Variants in TMEM248 observed in about 807,000 individuals in gnomAD.
The protein encoded by TMEM248 is UPF0458 protein C7orf42.
Under a neutral mutation model 30.3 loss-of-function variants are expected in TMEM248, and 9 were observed. The observed-to-expected ratio is 0.30, with a 90% CI of 0.18 to 0.52. TMEM248 has a LOEUF of 0.52. Ranked by LOEUF, TMEM248 falls within the 20% of genes least tolerant of loss-of-function variation. The pLI is 0.97. For synonymous variants in TMEM248, 184 were observed against 154.4 expected, an observed-to-expected ratio of 1.19 and a Z score of -1.42; for missense variants, 338 against 403.3, an observed-to-expected ratio of 0.84 and a Z score of 1.39.
intron 1 of TMEM248, among the ~76,000 whole-genome samples, chr7:66,931,252 C>G (rs752797780): frequency 8.7e-5 from 12 of 138,686 alleles, no homozygotes; most frequent in Non-Finnish European, 1.8e-4. Flanking sequence ...GAGCAGAGAT[C>G]ACACTGCTGC....
intron 1 of TMEM248, among the ~76,000 whole-genome samples, chr7:66,923,551 C>G (rs1258317694): frequency 6.6e-6 from 1 of 152,198 alleles, no homozygotes; most frequent in Non-Finnish European, 1.5e-5. Context: ...TGGACAAGCA[C>G]CCAGGCTAGG....
chr7:66,953,612 C>CT (rs879813901), intron 6 of TMEM248, among the ~76,000 whole-genome samples: 122 of 150,182 alleles, frequency 8.1e-4, no homozygotes, highest in Admixed American at 3.2e-3. Flanking sequence ...TCCTCTGTAA[C>CT]TTTTTTTTTT....
intron 1 of TMEM248, among the ~76,000 whole-genome samples, chr7:66,932,793 G>A (rs1199462509): frequency 6.6e-6 from 1 of 151,178 alleles, no homozygotes; most frequent in Non-Finnish European, 1.5e-5. Flanking sequence ...TAGGATTACA[G>A]GCATGAGCCA....
rs540248045 is a variant in TMEM248, at chr7:66,956,671, T to C, written c.*1149T>C. 1.3e-5 allele frequency: 2 copies of C among 152,244 alleles called. No homozygotes were observed. The highest frequency in any genetic ancestry group is 2.4e-5 in the African/African-American group (1 of 41,544). The allele number at this position is 152,244 out of a possible 1,614,324, so 9.4% of individuals were successfully genotyped here. A position where few individuals can be genotyped will look rare whatever the true frequency, so the allele number is the denominator to read the frequency against. ...GGGAAAACTGAAAGCATTTTTCTTA[T>C]AACTTTTTTTCTTTTTCTTTTTTTT... On this transcript the variant is annotated 3_prime_UTR_variant, in exon 7 of 7. Coordinates refer to ENST00000341567, the MANE Select transcript of TMEM248 (RefSeq NM_017994.5).
rs1792415386 is a variant in TMEM248 at position 66,956,772 on chromosome 7, C to T, written c.*1250C>T. ...CAGTGCAGCCTCCAACTCCTGGGCT[C>T]AAGCAATCCTCCCACTTTAGCCTCC... On this transcript the variant is annotated 3_prime_UTR_variant, in exon 7 of 7. Transcript: ENST00000341567. The T allele has an allele frequency of 6.6e-6, 1 of 152,144 alleles. No homozygotes were observed. The highest frequency in any genetic ancestry group is 2.4e-5 in the African/African-American group (1 of 41,438). 9.4% of individuals were successfully genotyped at this position (152,144 alleles called of 1,614,324 possible).
In TMEM248 at chr7:66,956,730, C is replaced by T. The variant is rs957090618; in HGVS notation, c.*1208C>T. ...GGAGGCAGGGTCTTGCTCTGTCCCTCAGGCTGGAGCTTAGCTCAGTGCAGC... is the reference window on the plus strand; with the variant it reads ...GGAGGCAGGGTCTTGCTCTGTCCCTTAGGCTGGAGCTTAGCTCAGTGCAGC... On this transcript the variant is annotated 3_prime_UTR_variant, in exon 7 of 7. Coordinates refer to ENST00000341567, the MANE Select transcript of TMEM248 (RefSeq NM_017994.5). 6.6e-6 allele frequency: 1 copy of T among 152,002 alleles called. No individual in the cohort carries two copies. The allele number at this position is 152,002 out of a possible 1,614,324, so 9.4% of individuals were successfully genotyped here.
At chr7:66,940,096 G>T (rs975474260) in intron 1 of TMEM248, among the ~76,000 whole-genome samples, 2 of 152,136 alleles carry the variant, frequency 1.3e-5, no homozygotes, top group African/African-American at 4.8e-5. Flanking sequence ...TGGGATTACA[G>T]GTGTGCACCA....
At position 66,945,208 on chromosome 7, in the gene TMEM248, G is replaced by A. The variant is rs374932648; in HGVS notation, c.392G>A (p.Arg131His). The A allele has an allele frequency of 2.4e-5, 39 of 1,614,010 alleles. No individual in the cohort carries two copies. The highest frequency in any genetic ancestry group is 3.1e-5 in the Non-Finnish European group (37 of 1,180,042). ...CTGAAACCCTTCGGAGGGTATTCCC[G>A]CAACGTCACCCATCTGTACTCAACC... ...DPLKPFGGYS[R>H]NVTHLYSTIL... Residue 131 changes from arginine (R) to histidine (H), a missense_variant, in exon 3 of 7, where the codon CGC becomes CAC. Physicochemically the swap from Arg to His is conservative, Grantham distance 29. Coordinates refer to ENST00000341567, the MANE Select transcript of TMEM248 (RefSeq NM_017994.5).
In TMEM248 at chr7:66,955,530, G is replaced by A. The variant is rs376802951; in HGVS notation, c.*8G>A. 9.3e-6 allele frequency: 15 copies of A among 1,613,962 alleles called. No individual in the cohort carries two copies. The highest frequency in any genetic ancestry group is 1.3e-5 in the Non-Finnish European group (15 of 1,180,014). On this transcript the variant is annotated 3_prime_UTR_variant, in exon 7 of 7. Coordinates refer to ENST00000341567, the MANE Select transcript of TMEM248 (RefSeq NM_017994.5). Reference sequence around the variant, plus strand: ...GCTTTGGCTGAAGCCTAATTCCACAGCTCCTTGTTTTTTGAGAGAGACTGA... The same window carrying A: ...GCTTTGGCTGAAGCCTAATTCCACAACTCCTTGTTTTTTGAGAGAGACTGA...
intron 2 of TMEM248, among the ~76,000 whole-genome samples, chr7:66,944,607 G>A (rs1210194147): frequency 6.6e-6 from 1 of 152,182 alleles, no homozygotes; most frequent in Non-Finnish European, 1.5e-5. Context: ...AATGAGTTTG[G>A]ATTAATGCTT....
At position 66,944,986 on chromosome 7, in the gene TMEM248, C is replaced by G. The variant is rs761824046; in HGVS notation, c.170C>G (p.Thr57Ser). 8.7e-6 allele frequency: 14 copies of G among 1,613,944 alleles called. No homozygotes were observed. Among genetic ancestry groups the G allele is most frequent in the Non-Finnish European group, 1.2e-5 (14 of 1,179,894 alleles). Residue 57 changes from threonine (T) to serine (S), a missense_variant, in exon 3 of 7, where the codon ACT (threonine) becomes AGT (serine). Transcript: ENST00000341567. ...TTCACTTTCCCAAAGGATTGGAATACTTTTCTGCTACGGTTCAATGATTTG... is the reference window on the plus strand; with the variant it reads ...TTCACTTTCCCAAAGGATTGGAATAGTTTTCTGCTACGGTTCAATGATTTG... ...KSPEMAEDWN[T>S]FLLRFNDLDL...
chr7:66,953,104 G>T, intron 5 of TMEM248, 122 bp from the exon 6 acceptor site: 1 of 1,122,544 alleles, frequency 8.9e-7, no homozygotes, highest in East Asian at 2.4e-5. Flanking sequence ...TCCTCTTGCA[G>T]CTTAAGAAGA....
chr7:66,938,836 C>T (rs1791871841), intron 1 of TMEM248, among the ~76,000 whole-genome samples: 1 of 152,130 alleles, frequency 6.6e-6, no homozygotes, highest in Non-Finnish European at 1.5e-5. Context: ...GCAAAAGATA[C>T]CATAAACCAT....
intron 1 of TMEM248, chr7:66,930,580 T>C (rs1473467571): frequency 2.0e-5 from 3 of 152,276 alleles, no homozygotes; most frequent in African/African-American, 7.2e-5. Flanking sequence ...TTCTCCTGTG[T>C]CTTCGTTGCT....
In TMEM248 at chr7:66,936,916, AATTT is replaced by A. The variant is rs144068326; in HGVS notation, c.-18-4923_-18-4920del. Among the ~76,000 whole-genome samples, 590 of 151,302 alleles carry A rather than the reference AATTT, an allele frequency of 3.9e-3. 2 individuals are homozygous for A. Among genetic ancestry groups the A allele is most frequent in the Non-Finnish European group, 7.1e-3 (482 of 67,762 alleles). The stretch of plus-strand genomic sequence containing the variant: ...TGATCTTTTATATTTTTTTGTTTCA[AATTT>A]ATTTATTTCTGCTCTGATCTTTATT... On this transcript the variant is annotated intron_variant, in intron 1 of 6. Transcript: ENST00000341567.
intron 3 of TMEM248, among the ~76,000 whole-genome samples, chr7:66,947,694 G>A (rs1410035293): frequency 6.6e-6 from 1 of 151,696 alleles, no homozygotes; most frequent in African/African-American, 2.4e-5. Context: ...GAGCCACCAC[G>A]CTTGGCTATT....
chr7:66,948,823 G>A (rs1006274533), intron 4 of TMEM248, 129 bp downstream of exon 4: 24 of 986,248 alleles, frequency 2.4e-5, no homozygotes, highest in South Asian at 3.6e-5. Flanking sequence ...ATCTCTACTC[G>A]GACCTATCTA....
chr7:66,940,624 G>T (rs1009178916), intron 1 of TMEM248, among the ~76,000 whole-genome samples: 16 of 152,168 alleles, frequency 1.1e-4, no homozygotes, highest in African/African-American at 3.9e-4. Flanking sequence ...AAGCCCAGGA[G>T]GGAGGAGGGG....
At chr7:66,942,726 C>T (rs984515163) in intron 2 of TMEM248, among the ~76,000 whole-genome samples, 2 of 152,202 alleles carry the variant, frequency 1.3e-5, no homozygotes, top group African/African-American at 4.8e-5. Context: ...GAACTCCTGA[C>T]CTCAGGTGAT....
Sources: gnomAD v4.1 joint callset for allele counts (sites outside exome capture counted in the v4.1 genomes callset) on GRCh38, gnomAD v4.1.1 for gene constraint, MANE v1.5 for transcripts, NCBI Gene and HGNC (gene_info 2026-07-23, HGNC 2026-07-21) for gene names.